Variants in PDCD6IP observed in about 807,000 individuals in gnomAD.
PDCD6IP encodes programmed cell death 6 interacting protein.
A neutral mutation model predicts 103.7 loss-of-function variants in PDCD6IP; 43 were observed. That is an observed-to-expected ratio of 0.41 (90% CI 0.32 to 0.53). The LOEUF (loss-of-function observed/expected upper bound fraction) is 0.53, where lower values mean the gene tolerates loss of function less well. Ranked by LOEUF, PDCD6IP falls within the 20% of genes least tolerant of loss-of-function variation. PDCD6IP has a pLI of 0.16. For synonymous variants in PDCD6IP, 354 were observed against 378.7 expected (o/e 0.93, Z 0.76); for missense variants, 871 against 1,036.7 (o/e 0.84, Z 2.20).
At chr3:33,819,339 A>C (rs1301685285) in intron 3 of PDCD6IP, among the ~76,000 whole-genome samples, 1 of 152,134 alleles carries the variant, frequency 6.6e-6, no homozygotes, top group Non-Finnish European at 1.5e-5. Flanking sequence ...CTGTCTTTGA[A>C]TCTCTTTAAG....
rs1330974233 is a variant in PDCD6IP at position 33,836,082 on chromosome 3, T to C, written c.873T>C (p.Tyr291=). Residue 291 remains tyrosine, a synonymous_variant, in exon 8 of 18, where the codon TAT becomes TAC. Coordinates refer to ENST00000307296, the MANE Select transcript of PDCD6IP (RefSeq NM_013374.6). ...AELIKTVASR[Y]DEYVNVKDFS... is the part of the protein sequence containing the mutation. ...TGATTAAAACAGTGGCATCTCGCTATGATGAATATGTTAATGTGAAGGATT... is the reference window on the plus strand; with the variant it reads ...TGATTAAAACAGTGGCATCTCGCTACGATGAATATGTTAATGTGAAGGATT... 1 of 1,612,206 alleles carries C rather than the reference T, an allele frequency of 6.2e-7. No individual in the cohort carries two copies. Among genetic ancestry groups the C allele is most frequent in the South Asian group, 1.1e-5 (1 of 91,036 alleles).
chr3:33,839,195 C>T (rs1285837860), intron 9 of PDCD6IP, among the ~76,000 whole-genome samples: 1 of 152,206 alleles, frequency 6.6e-6, no homozygotes, highest in Non-Finnish European at 1.5e-5. Flanking sequence ...AAAAAATTCT[C>T]TCATGCCCCT....
At chr3:33,804,071 T>C (rs765350239) in intron 1 of PDCD6IP, among the ~76,000 whole-genome samples, 15 of 152,200 alleles carry the variant, frequency 9.9e-5, no homozygotes, top group Non-Finnish European at 2.2e-4. Flanking sequence ...GTTGGTTTGG[T>C]GGTGAACATA....
chr3:33,820,400 C>G (rs559708127), intron 3 of PDCD6IP, among the ~76,000 whole-genome samples: 20 of 152,214 alleles, frequency 1.3e-4, no homozygotes, highest in African/African-American at 4.3e-4. Flanking sequence ...GAGTCGTAGA[C>G]TGCATTTAAA....
At chr3:33,810,201 A>G (rs905406701) in intron 1 of PDCD6IP, among the ~76,000 whole-genome samples, 2 of 152,204 alleles carry the variant, frequency 1.3e-5, no homozygotes, top group Non-Finnish European at 1.5e-5. Flanking sequence ...TTCTAATTTC[A>G]TCTAGACTAT....
At chr3:33,826,435 T>A in intron 5 of PDCD6IP, 45 bp from the exon 6 acceptor site, 2 of 1,322,448 alleles carry the variant, frequency 1.5e-6, no homozygotes, top group Non-Finnish European at 2.1e-6. Context: ...ACATGTCAGA[T>A]TAGCTCATAT....
intron 12 of PDCD6IP, among the ~76,000 whole-genome samples, chr3:33,846,287 G>A (rs763848439): frequency 1.3e-5 from 2 of 152,136 alleles, no homozygotes; most frequent in Non-Finnish European, 2.9e-5. Context: ...AAAAGTTTGA[G>A]TTTTGTTCCT....
At chr3:33,828,314 TC>T (rs1242258088) in intron 6 of PDCD6IP, among the ~76,000 whole-genome samples, 2 of 152,184 alleles carry the variant, frequency 1.3e-5, no homozygotes, top group Admixed American at 1.3e-4. Flanking sequence ...GCTAAAATCA[TC>T]TTCAGTAAGA....
In PDCD6IP at chr3:33,868,747, C is replaced by A. The variant is rs1048728406; in HGVS notation, c.*2222C>A. ...ATTAGGCTTTATTATCTTCCTAAAT[C>A]AAGGAAAGGAAATCATCCCCAGACC... On this transcript the variant is annotated 3_prime_UTR_variant, in exon 18 of 18. Transcript: ENST00000307296. 6.6e-6 allele frequency: 1 copy of A among 152,140 alleles called. No homozygotes were observed. The highest frequency in any genetic ancestry group is 6.5e-5 in the Admixed American group (1 of 15,280). 9.4% of individuals were successfully genotyped at this position (152,140 alleles called of 1,614,324 possible). A position where few individuals can be genotyped will look rare whatever the true frequency, so the allele number is the denominator to read the frequency against.
At chr3:33,806,765 T>G (rs904155552) in intron 1 of PDCD6IP, among the ~76,000 whole-genome samples, 3 of 152,216 alleles carry the variant, frequency 2.0e-5, no homozygotes, top group African/African-American at 7.2e-5. Context: ...CTTTGATGCT[T>G]GTGATCTGGG....
intron 7 of PDCD6IP, among the ~76,000 whole-genome samples, chr3:33,829,173 A>G (rs1347127699): frequency 6.6e-6 from 1 of 152,126 alleles, no homozygotes; most frequent in Non-Finnish European, 1.5e-5. Flanking sequence ...CAAAATTTGC[A>G]TTCAATTCTC....
In PDCD6IP at chr3:33,866,362, T is replaced by G; in HGVS notation, c.2444T>G (p.Met815Arg). The G allele has an allele frequency of 6.5e-7, 1 of 1,543,994 alleles. No homozygotes were observed. Among genetic ancestry groups the G allele is most frequent in the Non-Finnish European group, 8.7e-7 (1 of 1,147,882 alleles). ...TTTTCTTCTATCAGGTATTGCCAAA[T>G]GCCCATGCCCATGGGCTATAATCCT... ...TYPGYPGYCQ[M>R]PMPMGYNPYA... The change falls in exon 18 of 18, where the codon ATG becomes AGG. Residue 815 changes from methionine to arginine, a missense_variant. Around this residue, in one of 5 missense-constraint regions of PDCD6IP, gnomAD observed 202 missense variants for 205.2 expected, o/e 0.98. Coordinates refer to ENST00000307296, the MANE Select transcript of PDCD6IP (RefSeq NM_013374.6).
chr3:33,838,364 G>A (rs770719633), intron 9 of PDCD6IP, 37 bp downstream of exon 9: 238 of 1,552,982 alleles, frequency 1.5e-4, no homozygotes, highest in Non-Finnish European at 2.0e-4. Flanking sequence ...AAAGTTTTCC[G>A]TTTGGTTGTT....
chr3:33,822,301 C>T (rs771522438), intron 4 of PDCD6IP, among the ~76,000 whole-genome samples: 3 of 152,158 alleles, frequency 2.0e-5, no homozygotes, highest in African/African-American at 7.2e-5. Context: ...GCACCTAGCA[C>T]AGTGCCTGGC....
intron 4 of PDCD6IP, among the ~76,000 whole-genome samples, chr3:33,822,568 C>T (rs903500147): frequency 9.2e-5 from 14 of 152,280 alleles, no homozygotes; most frequent in African/African-American, 3.1e-4. Flanking sequence ...TATGGTCAGA[C>T]ACATAATGTT....
intron 3 of PDCD6IP, among the ~76,000 whole-genome samples, chr3:33,818,363 T>C (rs12631707): frequency 0.38 from 57,906 of 150,668 alleles, 12,788 homozygotes; most frequent in African/African-American, 0.61. Context: ...CCACCTTGCC[T>C]TCCCAAAGTG....
rs1389080010 is a variant in PDCD6IP at position 33,841,947 on chromosome 3, A to T, written c.1232A>T (p.Asp411Val). Residue 411 changes from aspartate to valine, a missense_variant, in exon 10 of 18, where the codon GAC becomes GTC. By Grantham distance (152) the Asp-to-Val change is radical. Around this residue, in one of 5 missense-constraint regions of PDCD6IP, gnomAD observed 266 missense variants for 390.5 expected, o/e 0.68. Coordinates refer to ENST00000307296, the MANE Select transcript of PDCD6IP (RefSeq NM_013374.6). ...LPAAIEDVSG[D>V]TVPQSILTKS... is the part of the protein sequence containing the mutation. ...GCAGCAATTGAAGATGTGTCTGGAGACACTGTACCTCAGTCTATATTGACT... is the reference window on the plus strand; with the variant it reads ...GCAGCAATTGAAGATGTGTCTGGAGTCACTGTACCTCAGTCTATATTGACT... The T allele has an allele frequency of 6.3e-7, 1 of 1,580,630 alleles. No individual in the cohort carries two copies. Among genetic ancestry groups the T allele is most frequent in the Non-Finnish European group, 8.7e-7 (1 of 1,151,882 alleles).
At chr3:33,816,891 T>C (rs1330636592) in intron 3 of PDCD6IP, among the ~76,000 whole-genome samples, 8 of 152,144 alleles carry the variant, frequency 5.3e-5, no homozygotes, top group Admixed American at 5.2e-4. Context: ...TAGGAGACAC[T>C]TGAGTGATGA....
chr3:33,866,238 A>G, intron 17 of PDCD6IP, 113 bp from the exon 18 acceptor site: 1 of 680,246 alleles, frequency 1.5e-6, no homozygotes, highest in East Asian at 3.1e-5. Context: ...CTGTTCTTTA[A>G]TAGACTAAAA....
Sources: allele counts gnomAD v4.1 joint callset (sites outside exome capture counted in the v4.1 genomes callset), GRCh38; gene constraint gnomAD v4.1.1; regional missense constraint gnomAD v4.1.1; transcripts MANE v1.5; gene names NCBI Gene and HGNC (gene_info 2026-07-23, HGNC 2026-07-21).